The following IKZF2 variants were observed in gnomAD, a reference collection of about 807,000 sequenced individuals.
The protein encoded by IKZF2 is zinc finger protein Helios.
Under a neutral mutation model 49.2 loss-of-function variants are expected in IKZF2, and 15 were observed. That is an observed-to-expected ratio of 0.30 (90% CI 0.20 to 0.47). The LOEUF (loss-of-function observed/expected upper bound fraction) is 0.47, where lower values mean the gene tolerates loss of function less well. Among genes scored for constraint, IKZF2 ranks in the 20% least tolerant of loss-of-function variants. The pLI is 1.00. For synonymous variants in IKZF2, 227 were observed against 221.4 expected (o/e 1.03, Z -0.23); for missense variants, 567 against 664.6 (o/e 0.85, Z 1.61).
intron 6 of IKZF2, among the ~76,000 whole-genome samples, chr2:213,047,318 G>A (rs551174541): frequency 6.6e-6 from 1 of 152,248 alleles, no homozygotes; most frequent in African/African-American, 2.4e-5. Flanking sequence ...GCTACATGGA[G>A]TGGTGAAATG....
chr2:213,024,242 A>C (rs537548772), intron 6 of IKZF2, among the ~76,000 whole-genome samples: 3 of 152,290 alleles, frequency 2.0e-5, no homozygotes, highest in Admixed American at 6.5e-5. Flanking sequence ...TTATTAGGTG[A>C]CATGTTGGAT....
chr2:213,102,706 T>C (rs768229203), intron 4 of IKZF2, among the ~76,000 whole-genome samples: 3 of 151,222 alleles, frequency 2.0e-5, no homozygotes, highest in Non-Finnish European at 4.4e-5. Flanking sequence ...ATTGAATTTA[T>C]AGAATAATAT....
Position 213,080,743 on chromosome 2 carries a change from G to T in IKZF2, c.140-23644C>A, listed in dbSNP as rs181409677. Among the ~76,000 whole-genome samples the T allele has an allele frequency of 2.5e-3, 388 of 152,168 alleles. 1 individual carries two copies. The highest frequency in any genetic ancestry group is 9.1e-3 in the African/African-American group (376 of 41,530). On this transcript the variant is annotated intron_variant, in intron 4 of 8. Transcript: ENST00000434687. ...AATTTAAGATAAAGGACATGGGCTA[G>T]CCATGGCAAGAAATGGTTTAATGAT...
At chr2:213,138,602 T>C (rs1383706947) in intron 4 of IKZF2, among the ~76,000 whole-genome samples, 1 of 151,882 alleles carries the variant, frequency 6.6e-6, no homozygotes, top group African/African-American at 2.4e-5. Flanking sequence ...ACAATGCATA[T>C]GCTAGGGATG....
At chr2:213,149,985 T>C (rs927943753) in intron 2 of IKZF2, among the ~76,000 whole-genome samples, 159 bp downstream of exon 2, 1 of 152,020 alleles carries the variant, frequency 6.6e-6, no homozygotes, top group Non-Finnish European at 1.5e-5. Flanking sequence ...AATGAGCTTA[T>C]CTCTTTAAAA....
chr2:213,028,072 T>C (rs563222278), intron 6 of IKZF2, among the ~76,000 whole-genome samples: 1 of 152,312 alleles, frequency 6.6e-6, no homozygotes, highest in Non-Finnish European at 1.5e-5. Context: ...TTAATTTTTA[T>C]ATATGGCATA....
At chr2:213,128,841 G>A (rs1574945710) in intron 4 of IKZF2, among the ~76,000 whole-genome samples, 2 of 130,914 alleles carry the variant, frequency 1.5e-5, no homozygotes, top group South Asian at 2.4e-4. Context: ...TAGTAGAGAC[G>A]GAGTTTCACC....
At chr2:213,016,253 G>A (rs1434434553) in intron 7 of IKZF2, among the ~76,000 whole-genome samples, 1 of 152,054 alleles carries the variant, frequency 6.6e-6, no homozygotes, top group Non-Finnish European at 1.5e-5. Context: ...GTACAGATGA[G>A]AACAGAAAGA....
intron 4 of IKZF2, among the ~76,000 whole-genome samples, chr2:213,141,553 C>T (rs2060874191): frequency 1.3e-5 from 2 of 151,898 alleles, no homozygotes; most frequent in African/African-American, 2.4e-5. Context: ...TGCTATTTCT[C>T]ACCTCTTATT....
intron 5 of IKZF2, among the ~76,000 whole-genome samples, chr2:213,054,382 G>A (rs980031097): frequency 2.6e-5 from 4 of 152,136 alleles, no homozygotes; most frequent in Non-Finnish European, 5.9e-5. Flanking sequence ...CTAAAATGCA[G>A]ACTAGTTCAT....
intron 4 of IKZF2, among the ~76,000 whole-genome samples, chr2:213,057,760 A>G (rs1483033485): frequency 6.6e-6 from 1 of 152,172 alleles, no homozygotes; most frequent in East Asian, 1.9e-4. Flanking sequence ...AAAATTACCT[A>G]TGGAACATGT....
At chr2:213,021,546 A>G (rs1165485658) in intron 7 of IKZF2, 1 of 310,796 alleles carries the variant, frequency 3.2e-6, no homozygotes, top group East Asian at 1.0e-4. Context: ...ATGTTGGTCT[A>G]GATTGTTTTG....
intron 4 of IKZF2, among the ~76,000 whole-genome samples, chr2:213,113,911 G>A (rs1205205055): frequency 6.6e-6 from 1 of 152,144 alleles, no homozygotes; most frequent in Non-Finnish European, 1.5e-5. Flanking sequence ...CTCATCACAA[G>A]GATGACAAGT....
chr2:213,020,475 T>A (rs545928976), intron 7 of IKZF2, among the ~76,000 whole-genome samples: 15 of 152,128 alleles, frequency 9.9e-5, no homozygotes, highest in African/African-American at 3.6e-4. Context: ...AGACGCACCA[T>A]TTTGTAATCT....
At position 213,022,149 on chromosome 2, in the gene IKZF2, G is replaced by A; in HGVS notation, c.575-19C>T. ...TTACCCACTGTGAAGAGAACTCAAGGTCAGTGTGCTGTTAGTCTCATCAAC... is the reference window on the plus strand; with the variant it reads ...TTACCCACTGTGAAGAGAACTCAAGATCAGTGTGCTGTTAGTCTCATCAAC... On this transcript the variant is annotated intron_variant, in intron 6 of 8. Transcript: ENST00000434687. 1 of 1,587,290 alleles carries A rather than the reference G, an allele frequency of 6.3e-7. No homozygotes were observed. Among genetic ancestry groups the A allele is most frequent in the Non-Finnish European group, 8.6e-7 (1 of 1,166,358 alleles).
intron 8 of IKZF2, among the ~76,000 whole-genome samples, chr2:213,010,902 C>T (rs917989205): frequency 6.6e-6 from 1 of 151,960 alleles, no homozygotes; most frequent in African/African-American, 2.4e-5. Context: ...GAATGGGGGC[C>T]TCCATTTGTA....
chr2:213,137,350 T>C (rs2060713533), intron 4 of IKZF2, among the ~76,000 whole-genome samples: 1 of 152,160 alleles, frequency 6.6e-6, no homozygotes, highest in Non-Finnish European at 1.5e-5. Context: ...GAAGTCATTT[T>C]ACATTTCCAA....
chr2:213,062,010 T>C (rs558659824), intron 4 of IKZF2, among the ~76,000 whole-genome samples: 15 of 151,746 alleles, frequency 9.9e-5, no homozygotes, highest in African/African-American at 3.6e-4. Flanking sequence ...TTTTGCAGTC[T>C]GGAAATTTAT....
chr2:213,089,278 C>T (rs73990522), intron 4 of IKZF2, among the ~76,000 whole-genome samples: 3,305 of 152,270 alleles, frequency 0.022, 109 homozygotes, highest in African/African-American at 0.074. Flanking sequence ...CTTCTCACCA[C>T]CCCCACTGCT....
Sources: gnomAD v4.1 joint callset for allele counts (sites outside exome capture counted in the v4.1 genomes callset) on GRCh38, gnomAD v4.1.1 for gene constraint, MANE v1.5 for transcripts, NCBI Gene and HGNC (gene_info 2026-07-23, HGNC 2026-07-21) for gene names.